EMID1: variants seen among roughly 807,000 people sequenced by gnomAD.
EMID1 encodes EMI domain containing 1, also known as EMI domain-containing protein 1.
In EMID1, 40 loss-of-function variants were observed where a neutral mutation model predicts 60.6. That is an observed-to-expected ratio of 0.66 (90% CI 0.51 to 0.86). The LOEUF (loss-of-function observed/expected upper bound fraction) is 0.86, where lower values mean the gene tolerates loss of function less well. Ranked by LOEUF, EMID1 falls within the 40% of genes least tolerant of loss-of-function variation. The probability of loss-of-function intolerance (pLI) is 0.00; values close to 1 mark genes in which losing one functional copy is unlikely to be tolerated. For missense variants in EMID1, 585 were observed against 597.1 expected (o/e 0.98, Z 0.21); for synonymous variants, 242 against 231.0 (o/e 1.05, Z -0.43).
intron 3 of EMID1, among the ~76,000 whole-genome samples, chr22:29,221,505 G>A (rs1007602672): frequency 7.2e-5 from 11 of 152,168 alleles, no homozygotes; most frequent in African/African-American, 2.7e-4. Context: ...CTCCCGCGTA[G>A]CTGGGACTAC....
chr22:29,235,436 G>T (rs1014415521), intron 12 of EMID1, among the ~76,000 whole-genome samples: 62 of 150,706 alleles, frequency 4.1e-4, no homozygotes, highest in African/African-American at 1.4e-3. Flanking sequence ...TATATTTAAT[G>T]ATATGTATAA....
rs774762011 is a variant in EMID1, at chr22:29,231,094, G to A, written c.540G>A (p.Trp180Ter). The A allele has an allele frequency of 6.2e-6, 10 of 1,613,616 alleles. No homozygotes were observed. Among genetic ancestry groups the A allele is most frequent in the Middle Eastern group, 3.3e-4 (2 of 6,058 alleles). ...PATPEDPAPL[W>*]GPPPAQGSPG... ...CCCCTGAGGACCCTGCCCCGCTCTG[G>A]GGTCCCCCTCCTGCCCAGGGCAGCC... Residue 180 changes from tryptophan (W) to a stop codon, truncating the protein, a stop_gained, in exon 6 of 15, where the codon TGG becomes TGA. Coordinates refer to ENST00000334018, the MANE Select transcript of EMID1 (RefSeq NM_133455.4). LOFTEE classifies it high-confidence loss of function.
chr22:29,231,793 C>G (rs1374257408), intron 7 of EMID1, 111 bp downstream of exon 7: 8 of 1,080,266 alleles, frequency 7.4e-6, no homozygotes, highest in Non-Finnish European at 1.0e-5. Flanking sequence ...CATCTACTTG[C>G]CTCTTCACTC....
chr22:29,257,047 G>A (rs115033972), intron 14 of EMID1, among the ~76,000 whole-genome samples: 539 of 152,302 alleles, frequency 3.5e-3, no homozygotes, highest in African/African-American at 0.012. Context: ...GGAGCTAGAA[G>A]GGACACATTT....
At chr22:29,214,259 C>T (rs572064556) in intron 1 of EMID1, among the ~76,000 whole-genome samples, 5 of 152,128 alleles carry the variant, frequency 3.3e-5, no homozygotes, top group African/African-American at 4.8e-5. Flanking sequence ...GCAGATGCTG[C>T]GGGAGCCAGG....
At chr22:29,232,164 C>A in intron 7 of EMID1, 92 bp from the exon 8 acceptor site, 1 of 1,512,058 alleles carries the variant, frequency 6.6e-7, no homozygotes, top group Non-Finnish European at 9.1e-7. Context: ...CTCTCATGCC[C>A]ACTGCTCCAG....
At chr22:29,258,056 CTGG>C (rs553810328) in intron 14 of EMID1, among the ~76,000 whole-genome samples, 516 of 152,322 alleles carry the variant, frequency 3.4e-3, no homozygotes, top group Non-Finnish European at 5.3e-3. Context: ...CAGTGGGAAC[CTGG>C]TGTTTACCAG....
At chr22:29,233,349 T>C (rs530355660) in intron 8 of EMID1, 30 bp from the exon 9 acceptor site, 1 of 1,612,214 alleles carries the variant, frequency 6.2e-7, no homozygotes, top group Middle Eastern at 1.7e-4. Flanking sequence ...TCTACCCAGC[T>C]CTACTCACTC....
rs755886459 is a variant in EMID1, at chr22:29,233,634, C to A, written c.934C>A (p.Pro312Thr). 7 of 1,614,010 alleles carry A rather than the reference C, an allele frequency of 4.3e-6. No homozygotes were observed. The highest frequency in any genetic ancestry group is 4.2e-6 in the Non-Finnish European group (5 of 1,179,890). The part of the protein sequence containing the change: ...GPMGPPGPPG[P>T]TGVPGSPGHI... Reference sequence around the variant, plus strand: ...TCCAGGTCCCCCTGGGCCTCCTGGCCCCACAGGTGTCCCTGGGAGTCCTGG... The same window carrying A: ...TCCAGGTCCCCCTGGGCCTCCTGGCACCACAGGTGTCCCTGGGAGTCCTGG... The change falls in exon 10 of 15, where the codon CCC (proline) becomes ACC (threonine). Residue 312 changes from proline (P) to threonine (T), a missense_variant. Pro to Thr is a conservative substitution (Grantham distance 38). Transcript: ENST00000334018.
At chr22:29,217,023 G>A (rs111849223) in intron 3 of EMID1, among the ~76,000 whole-genome samples, 5 of 152,314 alleles carry the variant, frequency 3.3e-5, no homozygotes, top group African/African-American at 1.2e-4. Flanking sequence ...CCGAGGGGCA[G>A]GAGAGCCAGC....
At chr22:29,233,221 C>T (rs1170577990) in intron 8 of EMID1, 158 bp from the exon 9 acceptor site, 2 of 728,318 alleles carry the variant, frequency 2.7e-6, no homozygotes, top group Non-Finnish European at 4.8e-6. Context: ...GACCAACACT[C>T]TCCACACTCC....
chr22:29,210,033 A>G (rs2039820519), intron 1 of EMID1, among the ~76,000 whole-genome samples: 1 of 151,964 alleles, frequency 6.6e-6, no homozygotes, highest in African/African-American at 2.4e-5. Context: ...GGCTGATGCT[A>G]GGAGTCCTGG....
At chr22:29,225,096 T>A (rs1257530093) in intron 3 of EMID1, 37 bp from the exon 4 acceptor site, 5 of 1,606,644 alleles carry the variant, frequency 3.1e-6, no homozygotes, top group Non-Finnish European at 4.3e-6. Flanking sequence ...GAGGCAAGGA[T>A]CACATGCCAG....
intron 12 of EMID1, among the ~76,000 whole-genome samples, chr22:29,240,188 T>C (rs1568996670): frequency 6.6e-6 from 1 of 152,160 alleles, no homozygotes; most frequent in East Asian, 1.9e-4. Context: ...TTGTTTTGTT[T>C]TGTTTTTGTT....
At chr22:29,229,438 G>C (rs1210722105) in intron 5 of EMID1, among the ~76,000 whole-genome samples, 2 of 152,132 alleles carry the variant, frequency 1.3e-5, no homozygotes, top group Admixed American at 1.3e-4. Context: ...GAGGTCAGGA[G>C]TTCGAGACCA....
intron 5 of EMID1, among the ~76,000 whole-genome samples, chr22:29,228,968 G>T (rs997638112): frequency 5.9e-5 from 9 of 152,142 alleles, no homozygotes; most frequent in Non-Finnish European, 1.5e-5. Context: ...GCAAAAGAAG[G>T]CATGGTTGTA....
At chr22:29,206,930 T>C (rs73882498) in intron 1 of EMID1, among the ~76,000 whole-genome samples, 2,842 of 152,312 alleles carry the variant, frequency 0.019, 101 homozygotes, top group African/African-American at 0.065. Context: ...CTTCTATCCT[T>C]GATGACAGTG....
chr22:29,224,391 C>G (rs771886559), intron 3 of EMID1, among the ~76,000 whole-genome samples: 1 of 152,202 alleles, frequency 6.6e-6, no homozygotes, highest in Non-Finnish European at 1.5e-5. Context: ...CCTGGTTTGG[C>G]CAGTCCATCC....
At chr22:29,228,280 T>A (rs1363995727) in intron 5 of EMID1, among the ~76,000 whole-genome samples, 1 of 151,810 alleles carries the variant, frequency 6.6e-6, no homozygotes, top group Non-Finnish European at 1.5e-5. Flanking sequence ...GAGCCGAGAT[T>A]GCACCACTGC....
Sources: gnomAD v4.1 joint callset for allele counts (sites outside exome capture counted in the v4.1 genomes callset) on GRCh38, gnomAD v4.1.1 for gene constraint, MANE v1.5 for transcripts, NCBI Gene and HGNC (gene_info 2026-07-23, HGNC 2026-07-21) for gene names.